The following GOLGA4 variants were observed in gnomAD, a reference collection of about 807,000 sequenced individuals.
The protein encoded by GOLGA4 is golgin A4, also known as golgin subfamily A member 4.
In GOLGA4, 169 loss-of-function variants were observed where a neutral mutation model predicts 265.9. The ratio of observed to expected loss-of-function variants is 0.64; its 90% CI spans 0.56 to 0.72. The LOEUF (loss-of-function observed/expected upper bound fraction) is 0.72, where lower values mean the gene tolerates loss of function less well. Ranked by LOEUF, GOLGA4 falls within the 30% of genes least tolerant of loss-of-function variation. The pLI is 0.00. For synonymous variants in GOLGA4, 923 were observed against 855.8 expected (o/e 1.08, Z -1.37); for missense variants, 2,482 against 2,483.4 (o/e 1.00, Z 0.01).
chr3:37,328,570 A>C (rs769649484), intron 15 of GOLGA4, 33 bp downstream of exon 15: 3 of 1,575,056 alleles, frequency 1.9e-6, no homozygotes, highest in Non-Finnish European at 2.6e-6. Context: ...AGGAACAATT[A>C]TATCAGCAGA....
Position 37,266,049 on chromosome 3 carries a change from T to A in GOLGA4, c.162+14565T>A, listed in dbSNP as rs868026017. 4.9e-3 allele frequency among the ~76,000 whole-genome samples: 722 copies of A among 145,880 alleles called. 8 individuals are homozygous for A. The highest frequency in any genetic ancestry group is 0.017 in the African/African-American group (674 of 39,294). On this transcript the variant is annotated intron_variant, in intron 2 of 23. Transcript: ENST00000361924. ...TCAAAAAAAAAAAAAAAAAAAAAAA[T>A]TTTAACGTTATAATACGGTATTGTT...
chr3:37,257,129 G>A (rs1296896839), intron 2 of GOLGA4, among the ~76,000 whole-genome samples: 1 of 151,940 alleles, frequency 6.6e-6, no homozygotes. Context: ...TGTCTTAATG[G>A]ATTTACCTTT....
chr3:37,350,352 G>A (rs1315642645), intron 21 of GOLGA4, among the ~76,000 whole-genome samples: 3 of 152,126 alleles, frequency 2.0e-5, no homozygotes, highest in Non-Finnish European at 4.4e-5. Context: ...CTAGAAACAC[G>A]AAGAGACAAC....
chr3:37,275,234 A>G (rs1299764536), intron 2 of GOLGA4, among the ~76,000 whole-genome samples: 37 of 150,538 alleles, frequency 2.5e-4, no homozygotes, highest in South Asian at 4.2e-4. Context: ...AAAAAAAAAA[A>G]AAAAAAAGAA....
intron 1 of GOLGA4, among the ~76,000 whole-genome samples, chr3:37,247,476 G>C (rs1412502055): frequency 6.6e-6 from 1 of 152,190 alleles, no homozygotes; most frequent in Non-Finnish European, 1.5e-5. Flanking sequence ...GAAGATCAGG[G>C]TGACATCTGA....
intron 1 of GOLGA4, among the ~76,000 whole-genome samples, chr3:37,246,117 A>G (rs1162858177): frequency 6.6e-6 from 1 of 151,834 alleles, no homozygotes; most frequent in Non-Finnish European, 1.5e-5. Context: ...TTGGGAGGCC[A>G]AGGCGGGCGG....
chr3:37,262,600 A>G (rs2096772814), intron 2 of GOLGA4, among the ~76,000 whole-genome samples: 1 of 152,166 alleles, frequency 6.6e-6, no homozygotes, highest in Non-Finnish European at 1.5e-5. Flanking sequence ...AGAAAATTAT[A>G]GAATTCAGAA....
Position 37,295,091 on chromosome 3 carries a change from A to G in GOLGA4, c.681+14A>G. 1 of 1,427,274 alleles carries G rather than the reference A, an allele frequency of 7.0e-7. No homozygotes were observed. Among genetic ancestry groups the G allele is most frequent in the Non-Finnish European group, 9.6e-7 (1 of 1,043,438 alleles). The allele number at this position is 1,427,274 out of a possible 1,614,324, so 88.4% of individuals were successfully genotyped here. On this transcript the variant is annotated intron_variant, in intron 6 of 23. Transcript: ENST00000361924. ...CTCCAAACTCAGGTAAAAGAGTAAA[A>G]GAAAAAGTGTGGAATTTTTTGGATA...
intron 9 of GOLGA4, among the ~76,000 whole-genome samples, chr3:37,300,544 A>C (rs991118845): frequency 2.0e-5 from 3 of 152,152 alleles, no homozygotes; most frequent in South Asian, 4.1e-4. Context: ...AAAAGCTGCT[A>C]AAATGAATTT....
chr3:37,336,774 AAGAGAG>A (rs941227242), intron 17 of GOLGA4, among the ~76,000 whole-genome samples: 22 of 150,292 alleles, frequency 1.5e-4, no homozygotes, highest in African/African-American at 3.5e-4. Context: ...GAAAGAGAGA[AAGAGAG>A]AGAGAGAGAA....
At chr3:37,275,215 C>CAAAA (rs749758741) in intron 2 of GOLGA4, among the ~76,000 whole-genome samples, 15 of 44,958 alleles carry the variant, frequency 3.3e-4, no homozygotes, top group South Asian at 1.6e-3. Flanking sequence ...GACTCCGTCT[C>CAAAA]AAAAAAAAAA....
Position 37,298,889 on chromosome 3 carries a change from C to A in GOLGA4, c.871C>A (p.Gln291Lys), listed in dbSNP as rs760193543. Reference sequence around the variant, plus strand: ...AACACTCCAGCAAAGAGTGAAGCGTCAAGAGAACCTACTTAAGCGTTGTAA... The same window carrying A: ...AACACTCCAGCAAAGAGTGAAGCGTAAAGAGAACCTACTTAAGCGTTGTAA... ...LETLQQRVKR[Q>K]ENLLKRCKET... is the part of the protein sequence containing the mutation. The change falls in exon 8 of 24, where the codon CAA (glutamine) becomes AAA (lysine). Residue 291 changes from glutamine to lysine, a missense_variant. This residue lies in a region of GOLGA4 where 1,536 missense variants were observed against 1,483.7 expected (regional missense o/e 1.04). Coordinates refer to ENST00000361924, the MANE Select transcript of GOLGA4 (RefSeq NM_002078.5). 3 of 1,613,670 alleles carry A rather than the reference C, an allele frequency of 1.9e-6. No homozygotes were observed. Among genetic ancestry groups the A allele is most frequent in the South Asian group, 1.1e-5 (1 of 91,008 alleles).
chr3:37,300,360 A>G (rs2096889449), intron 9 of GOLGA4, among the ~76,000 whole-genome samples: 1 of 152,204 alleles, frequency 6.6e-6, no homozygotes, highest in Non-Finnish European at 1.5e-5. Context: ...AGAGTATTTT[A>G]AGTGGTCACG....
intron 7 of GOLGA4, among the ~76,000 whole-genome samples, chr3:37,297,718 A>C (rs2096882205): frequency 6.6e-6 from 1 of 152,136 alleles, no homozygotes; most frequent in African/African-American, 2.4e-5. Context: ...AGAGTATAGC[A>C]GAATATTGGT....
chr3:37,365,902 G>T (rs1046188927), intron 23 of GOLGA4, among the ~76,000 whole-genome samples, 178 bp from the exon 24 acceptor site: 2 of 151,420 alleles, frequency 1.3e-5, no homozygotes, highest in Non-Finnish European at 2.9e-5. Context: ...CAAAGTGCTG[G>T]GATTACAGTC....
In GOLGA4 at chr3:37,296,126, A is replaced by T; in HGVS notation, c.721A>T (p.Asn241Tyr). The part of the protein sequence containing the change: ...LKQRLRNGPM[N>Y]VDVLKPLPQL... ...ACAACGATTACGAAATGGCCCGATG[A>T]ATGTTGATGTACTGAAACCACTTCC... Residue 241 changes from asparagine (N) to tyrosine (Y), a missense_variant, in exon 7 of 24, where the codon AAT becomes TAT. By Grantham distance (143) the Asn-to-Tyr change is moderately radical. Coordinates refer to ENST00000361924, the MANE Select transcript of GOLGA4 (RefSeq NM_002078.5). 6.2e-7 allele frequency: 1 copy of T among 1,613,546 alleles called. No homozygotes were observed. Among genetic ancestry groups the T allele is most frequent in the African/African-American group, 1.3e-5 (1 of 75,032 alleles).
intron 10 of GOLGA4, among the ~76,000 whole-genome samples, chr3:37,309,428 G>A (rs1447485663): frequency 6.6e-6 from 1 of 151,874 alleles, no homozygotes; most frequent in Non-Finnish European, 1.5e-5. Flanking sequence ...GGTGGCACAC[G>A]CCTGTAATCC....
At chr3:37,244,727 A>C (rs946011970) in intron 1 of GOLGA4, among the ~76,000 whole-genome samples, 1 of 152,234 alleles carries the variant, frequency 6.6e-6, no homozygotes, top group Non-Finnish European at 1.5e-5. Context: ...TGTAAAGCTC[A>C]TGTGTAGTAA....
intron 5 of GOLGA4, among the ~76,000 whole-genome samples, chr3:37,294,382 AT>A (rs55842993): frequency 0.39 from 51,470 of 131,946 alleles, 9,487 homozygotes; most frequent in African/African-American, 0.5. Flanking sequence ...ATCTTAAGTA[AT>A]TTTTTTTTTT....
Sources: gnomAD v4.1 joint callset for allele counts (sites outside exome capture counted in the v4.1 genomes callset) on GRCh38, gnomAD v4.1.1 for gene constraint, gnomAD v4.1.1 regional missense constraint, MANE v1.5 for transcripts, NCBI Gene and HGNC (gene_info 2026-07-23, HGNC 2026-07-21) for gene names.